HLCS: variants seen among roughly 807,000 people sequenced by gnomAD.
HLCS encodes the protein biotin--protein ligase.
In HLCS, 53 loss-of-function variants were observed where a neutral mutation model predicts 75.0. The ratio of observed to expected loss-of-function variants is 0.71; its 90% confidence interval spans 0.57 to 0.89. The LOEUF is 0.89. HLCS is among the 40% of genes least tolerant of loss of function. The probability of loss-of-function intolerance (pLI) is 0.00; values close to 1 mark genes in which losing one functional copy is unlikely to be tolerated. For missense variants in HLCS, 966 were observed against 1,074.0 expected, an observed-to-expected ratio of 0.90 and a Z score of 1.41; for synonymous variants, 431 against 428.6, an observed-to-expected ratio of 1.01 and a Z score of -0.07.
At chr21:36,763,107 C>T (rs141712071) in intron 8 of HLCS, among the ~76,000 whole-genome samples, 1,877 of 152,308 alleles carry the variant, frequency 0.012, 37 homozygotes, top group African/African-American at 0.043. Flanking sequence ...TCACCGCAAC[C>T]TCTGCCTCCC....
chr21:36,989,958 GCT>G (rs1319302496), intron 1 of HLCS, among the ~76,000 whole-genome samples: 1 of 152,080 alleles, frequency 6.6e-6, no homozygotes, highest in Non-Finnish European at 1.5e-5. Flanking sequence ...GGTCCCTATG[GCT>G]GCTCCACCGG....
chr21:36,843,360 C>G (rs983621131), intron 6 of HLCS, among the ~76,000 whole-genome samples: 12 of 152,152 alleles, frequency 7.9e-5, no homozygotes, highest in African/African-American at 2.9e-4. Context: ...ATCACATGAG[C>G]CCAGGAAGTC....
chr21:36,954,928 G>C (rs1445318136), intron 2 of HLCS, among the ~76,000 whole-genome samples: 1 of 152,000 alleles, frequency 6.6e-6, no homozygotes, highest in African/African-American at 2.4e-5. Context: ...CAGGTGTGGT[G>C]GCAGGCACCT....
Position 36,799,601 on chromosome 21 carries a change from C to T in HLCS, c.1893-32316G>A, listed in dbSNP as rs1022776609. The stretch of plus-strand genomic sequence containing the variant: ...TTAAGGCAGGGGACTAAGGGACACT[C>T]TGTAGGACACAGACATAGAGAAGGG... On this transcript the variant is annotated intron_variant, in intron 6 of 10. Coordinates refer to ENST00000674895, the MANE Select transcript of HLCS (RefSeq NM_001352514.2). Among the ~76,000 whole-genome samples the T allele has an allele frequency of 2.0e-5, 3 of 152,202 alleles. No homozygotes were observed. The East Asian group carries it at 5.8e-4, about 29-fold the overall frequency.
intron 8 of HLCS, among the ~76,000 whole-genome samples, chr21:36,764,008 GT>G (rs2089945400): frequency 6.6e-6 from 1 of 152,190 alleles, no homozygotes; most frequent in Non-Finnish European, 1.5e-5. Context: ...AATGAGAAAG[GT>G]TTTTAGGTCC....
At chr21:36,963,564 C>T (rs2068419453) in intron 1 of HLCS, among the ~76,000 whole-genome samples, 2 of 151,896 alleles carry the variant, frequency 1.3e-5, no homozygotes, top group African/African-American at 4.8e-5. Flanking sequence ...ACCAGCCTGA[C>T]CAACATGAAG....
chr21:36,858,361 G>C (rs2146177604), intron 6 of HLCS, among the ~76,000 whole-genome samples: 1 of 152,232 alleles, frequency 6.6e-6, no homozygotes, highest in Non-Finnish European at 1.5e-5. Flanking sequence ...TTCAGGATGG[G>C]ACTCTGTCCT....
At chr21:36,955,676 T>C (rs1049488859) in intron 2 of HLCS, among the ~76,000 whole-genome samples, 1 of 152,202 alleles carries the variant, frequency 6.6e-6, no homozygotes, top group Non-Finnish European at 1.5e-5. Context: ...AGAAGGCTGT[T>C]ATAAATTCAG....
At chr21:36,889,154 A>T (rs534070804) in intron 6 of HLCS, among the ~76,000 whole-genome samples, 1 of 152,376 alleles carries the variant, frequency 6.6e-6, no homozygotes, top group South Asian at 2.1e-4. Context: ...AAAGAAGTCA[A>T]ATCTAAGCCT....
intron 6 of HLCS, among the ~76,000 whole-genome samples, chr21:36,893,572 G>A (rs2064882829): frequency 6.6e-6 from 1 of 152,142 alleles, no homozygotes; most frequent in South Asian, 2.1e-4. Flanking sequence ...CCATGGACAG[G>A]GGGTTTCGGG....
chr21:36,965,557 C>T (rs2068522493), intron 1 of HLCS, among the ~76,000 whole-genome samples: 1 of 151,972 alleles, frequency 6.6e-6, no homozygotes, highest in Non-Finnish European at 1.5e-5. Context: ...TCAAAAAAAA[C>T]AAAGGCTGAC....
At chr21:36,877,181 T>TA (rs1341646879) in intron 6 of HLCS, among the ~76,000 whole-genome samples, 5 of 152,200 alleles carry the variant, frequency 3.3e-5, no homozygotes, top group Non-Finnish European at 7.4e-5. Flanking sequence ...TCTTGCTTTT[T>TA]AAAAAATCCA....
chr21:36,827,466 C>T (rs1020884236), intron 6 of HLCS, among the ~76,000 whole-genome samples: 15 of 150,102 alleles, frequency 1.0e-4, no homozygotes, highest in African/African-American at 3.7e-4. Context: ...CCCAGCTACT[C>T]GGGAGGCTGA....
chr21:36,780,376 G>A (rs1601213630), intron 6 of HLCS, among the ~76,000 whole-genome samples: 1 of 151,908 alleles, frequency 6.6e-6, no homozygotes, highest in Non-Finnish European at 1.5e-5. Context: ...CCACCACCAC[G>A]CCTGGCTTTT....
intron 5 of HLCS, among the ~76,000 whole-genome samples, chr21:36,901,856 T>C (rs1220991845): frequency 6.6e-6 from 1 of 152,172 alleles, no homozygotes; most frequent in Non-Finnish European, 1.5e-5. Context: ...ACATATCTTT[T>C]TGGGGGACAC....
chr21:36,756,146 T>C (rs188089721), intron 10 of HLCS, among the ~76,000 whole-genome samples: 7 of 152,206 alleles, frequency 4.6e-5, no homozygotes, highest in African/African-American at 1.4e-4. Context: ...CATTTTAAGA[T>C]ACTGAACTAC....
chr21:36,802,056 G>A (rs1421470919), intron 6 of HLCS, among the ~76,000 whole-genome samples: 1 of 152,164 alleles, frequency 6.6e-6, no homozygotes, highest in Non-Finnish European at 1.5e-5. Context: ...TACACTAACA[G>A]TAGCAAATAA....
At position 36,937,317 on chromosome 21, in the gene HLCS, G is replaced by A. The variant is rs534858065; in HGVS notation, c.569C>T (p.Pro190Leu). The A allele has an allele frequency of 2.4e-5, 38 of 1,614,086 alleles. No individual in the cohort carries two copies. In the East Asian group the frequency reaches 4.5e-4, roughly 19 times the overall value. The change falls in exon 4 of 11, where the codon CCG becomes CTG. Residue 190 changes from proline (P) to leucine (L), a missense_variant. Physicochemically the swap from Pro to Leu is moderately conservative, Grantham distance 98. Coordinates refer to ENST00000674895, the MANE Select transcript of HLCS (RefSeq NM_001352514.2). ...AATCTCAAGAGAAGGTTCAGGCTTC[G>A]GCTCTAGGATCTGGGCTTGCTTGTT... ...VSNKQAQILE[P>L]KPEPSLEIKP...
chr21:36,833,580 G>T (rs1268401334), intron 6 of HLCS, among the ~76,000 whole-genome samples: 1 of 118,446 alleles, frequency 8.4e-6, no homozygotes, highest in Non-Finnish European at 1.8e-5. Context: ...GTTGGAGACT[G>T]TCTAAAAAAA....
Sources: gnomAD v4.1 joint callset for allele counts (sites outside exome capture counted in the v4.1 genomes callset) on GRCh38, gnomAD v4.1.1 for gene constraint, MANE v1.5 for transcripts, NCBI Gene and HGNC (gene_info 2026-07-23, HGNC 2026-07-21) for gene names.